Variants in STK32A observed in about 807,000 individuals in gnomAD.
STK32A encodes serine/threonine kinase 32A, also known as serine/threonine-protein kinase 32A.
STK32A carries 41 observed loss-of-function variants against 53.2 expected under a neutral mutation model. The observed-to-expected ratio is 0.77, with a 90% CI of 0.60 to 1.00. The LOEUF is 1.00. Among genes scored for constraint, STK32A ranks in the 50% least tolerant of loss-of-function variants. The pLI is 0.00. For synonymous variants in STK32A, 166 were observed against 162.8 expected, an observed-to-expected ratio of 1.02 and a Z score of -0.15; for missense variants, 458 against 485.8, an observed-to-expected ratio of 0.94 and a Z score of 0.54.
chr5:147,265,731 C>T (rs1264206775), intron 2 of STK32A, among the ~76,000 whole-genome samples: 1 of 151,984 alleles, frequency 6.6e-6, no homozygotes, highest in African/African-American at 2.4e-5. Flanking sequence ...GTTTGACTTG[C>T]CAGCAAAGCC....
At chr5:147,287,639 C>T (rs1054596449) in intron 4 of STK32A, among the ~76,000 whole-genome samples, 7 of 152,108 alleles carry the variant, frequency 4.6e-5, no homozygotes, top group African/African-American at 1.4e-4. Context: ...TCAGCTTAAG[C>T]TCAGTGTATT....
At chr5:147,249,011 T>C (rs1052719630) in intron 2 of STK32A, among the ~76,000 whole-genome samples, 20 of 152,144 alleles carry the variant, frequency 1.3e-4, no homozygotes, top group African/African-American at 4.6e-4. Context: ...GGGCTACAGA[T>C]TAAATCAGTG....
At chr5:147,265,252 C>T (rs1011251369) in intron 2 of STK32A, among the ~76,000 whole-genome samples, 2 of 151,422 alleles carry the variant, frequency 1.3e-5, no homozygotes, top group African/African-American at 4.8e-5. Context: ...GCTAGGATTC[C>T]ACTGCAAGTC....
chr5:147,345,794 G>A (rs1332068501), intron 6 of STK32A, among the ~76,000 whole-genome samples: 1 of 152,014 alleles, frequency 6.6e-6, no homozygotes, highest in African/African-American at 2.4e-5. Flanking sequence ...ATTACCTGGT[G>A]TCTTATTTAC....
chr5:147,259,296 C>A (rs1754381058), intron 2 of STK32A, among the ~76,000 whole-genome samples: 1 of 152,028 alleles, frequency 6.6e-6, no homozygotes, highest in African/African-American at 2.4e-5. Context: ...AATGAGGTTT[C>A]CTCTAAAAGT....
chr5:147,331,194 G>T (rs1258147205), intron 5 of STK32A, among the ~76,000 whole-genome samples: 1 of 152,186 alleles, frequency 6.6e-6, no homozygotes, highest in Non-Finnish European at 1.5e-5. Flanking sequence ...AAGTATTTCA[G>T]AGATTTTTAA....
At chr5:147,250,579 A>C (rs1275965199) in intron 2 of STK32A, among the ~76,000 whole-genome samples, 2 of 152,214 alleles carry the variant, frequency 1.3e-5, no homozygotes, top group Non-Finnish European at 2.9e-5. Context: ...TGGTATTCAC[A>C]AAAGCAGTTT....
intron 4 of STK32A, among the ~76,000 whole-genome samples, chr5:147,305,390 C>G (rs1561706947): frequency 6.6e-6 from 1 of 152,122 alleles, no homozygotes; most frequent in African/African-American, 2.4e-5. Flanking sequence ...TCCCTCAGTG[C>G]GCAAGTGGGC....
At chr5:147,264,594 C>T (rs551621562) in intron 2 of STK32A, among the ~76,000 whole-genome samples, 1 of 152,158 alleles carries the variant, frequency 6.6e-6, no homozygotes, top group Non-Finnish European at 1.5e-5. Flanking sequence ...AATGGAAATA[C>T]CGAATATTGA....
At chr5:147,271,178 T>C (rs2151951404) in intron 2 of STK32A, among the ~76,000 whole-genome samples, 1 of 152,278 alleles carries the variant, frequency 6.6e-6, no homozygotes, top group South Asian at 2.1e-4. Flanking sequence ...GAAGATTTCA[T>C]GGACATTTAT....
intron 2 of STK32A, among the ~76,000 whole-genome samples, chr5:147,245,417 A>T (rs1432647): frequency 0.58 from 87,699 of 152,034 alleles, 25,777 homozygotes; most frequent in Admixed American, 0.69. Context: ...AACCTTTTTT[A>T]AAAAATCTAC....
chr5:147,361,689 C>A, intron 8 of STK32A, 75 bp downstream of exon 8: 1 of 1,091,454 alleles, frequency 9.2e-7, no homozygotes, highest in Non-Finnish European at 1.4e-6. Context: ...GTATTGTTTG[C>A]TAAGATCCAA....
In STK32A at chr5:147,351,739, C is replaced by T. The variant is rs958184111; in HGVS notation, c.562+585C>T. ...GCATGCGCCTGTAGTCCCAGCTACT[C>T]GGGGGGCTGAGGCAGGAGAATCGCT... On this transcript the variant is annotated intron_variant, in intron 7 of 12. Coordinates refer to ENST00000397936, the MANE Select transcript of STK32A (RefSeq NM_001112724.2). Among the ~76,000 whole-genome samples the T allele has an allele frequency of 5.9e-5, 9 of 152,124 alleles. No homozygotes were observed. The South Asian group carries it at 8.3e-4, about 14-fold the overall frequency.
chr5:147,372,877 A>G (rs995587948), intron 9 of STK32A, among the ~76,000 whole-genome samples: 2 of 152,146 alleles, frequency 1.3e-5, no homozygotes, highest in African/African-American at 4.8e-5. Context: ...TTTTAAACAC[A>G]TGGGTAAACT....
At chr5:147,357,759 A>C (rs1475546943) in intron 7 of STK32A, among the ~76,000 whole-genome samples, 1 of 152,030 alleles carries the variant, frequency 6.6e-6, no homozygotes, top group Non-Finnish European at 1.5e-5. Context: ...GTTGTATATT[A>C]TTTTGACTGA....
rs750860979 is a variant in STK32A, at chr5:147,249,301, T to C, written c.52+9615T>C. 1.3e-3 allele frequency among the ~76,000 whole-genome samples: 191 copies of C among 152,250 alleles called. 1 individual carries two copies. The highest frequency in any genetic ancestry group is 3.4e-4 in the Non-Finnish European group (23 of 68,010). Reference sequence around the variant, plus strand: ...GTAGAAGGGGGCTAATAATAGTATCTGTCTCATAGTTTTTGTGAGAATAAA... The same window carrying C: ...GTAGAAGGGGGCTAATAATAGTATCCGTCTCATAGTTTTTGTGAGAATAAA... On this transcript the variant is annotated intron_variant, in intron 2 of 12. Coordinates refer to ENST00000397936, the MANE Select transcript of STK32A (RefSeq NM_001112724.2).
At chr5:147,383,652 C>A in intron 12 of STK32A, 147 bp downstream of exon 12, 2 of 854,736 alleles carry the variant, frequency 2.3e-6, no homozygotes, top group Non-Finnish European at 3.5e-6. Context: ...AATGTAGAAA[C>A]CTTTTTTGTA....
intron 4 of STK32A, among the ~76,000 whole-genome samples, chr5:147,297,731 A>G (rs1752931516): frequency 1.3e-5 from 2 of 152,160 alleles, no homozygotes; most frequent in Non-Finnish European, 2.9e-5. Flanking sequence ...AAATCCCAGC[A>G]CTTTGGGAGG....
At chr5:147,394,107 C>G in the STK32A span, 18 of 1,614,144 alleles carry the variant, frequency 1.1e-5, no homozygotes, top group African/African-American at 2.3e-4. Context: ...AGCGAACCCC[C>G]TCATCCACTT....
Sources: allele counts gnomAD v4.1 joint callset (sites outside exome capture counted in the v4.1 genomes callset), GRCh38; gene constraint gnomAD v4.1.1; transcripts MANE v1.5; gene names NCBI Gene and HGNC (gene_info 2026-07-23, HGNC 2026-07-21).